The following GPHN variants were observed in gnomAD, a reference collection of about 807,000 sequenced individuals.
GPHN encodes gephyrin.
Under a neutral mutation model 95.5 loss-of-function variants are expected in GPHN, and 17 were observed. The ratio of observed to expected loss-of-function variants is 0.18; its 90% CI spans 0.12 to 0.27. GPHN has a LOEUF of 0.27. Ranked by LOEUF, GPHN falls within the 10% of genes least tolerant of loss-of-function variation. The pLI is 1.00. For missense variants in GPHN, 660 were observed against 978.1 expected (o/e 0.67, Z 4.34); for synonymous variants, 320 against 322.5 (o/e 0.99, Z 0.08).
chr14:67,430,533 C>A, the GPHN span, among the ~76,000 whole-genome samples: 1 of 152,174 alleles, frequency 6.6e-6, no homozygotes, highest in South Asian at 2.1e-4. Flanking sequence ...AAAGAAGAAG[C>A]AGGAGTGCTT....
chr14:67,382,912 T>C, the GPHN span, among the ~76,000 whole-genome samples: 45 of 149,178 alleles, frequency 3.0e-4, no homozygotes, highest in Non-Finnish European at 5.4e-4. Context: ...TGCGTGCGTG[T>C]GTGTGTGTGT....
chr14:66,884,512 GT>G (rs1165244072), intron 5 of GPHN, among the ~76,000 whole-genome samples: 1 of 151,906 alleles, frequency 6.6e-6, no homozygotes, highest in Non-Finnish European at 1.5e-5. Context: ...TGTTCCAGTG[GT>G]TAACTAAACT....
intron 4 of GPHN, among the ~76,000 whole-genome samples, chr14:66,835,268 T>A (rs1228782672): frequency 6.7e-6 from 1 of 148,378 alleles, no homozygotes; most frequent in Non-Finnish European, 1.5e-5. Context: ...AGTTCTGCTC[T>A]GATTTTAGTT....
At chr14:67,263,046 A>G in the GPHN span, among the ~76,000 whole-genome samples, 1 of 152,140 alleles carries the variant, frequency 6.6e-6, no homozygotes, top group Non-Finnish European at 1.5e-5. Context: ...CAAGTAACCA[A>G]CCATTTGATA....
At chr14:66,842,591 G>A (rs1013078488) in intron 4 of GPHN, 1 of 884,128 alleles carries the variant, frequency 1.1e-6, no homozygotes, top group Non-Finnish European at 1.8e-6. Flanking sequence ...TTATTTCCCT[G>A]AACCAGTTTG....
chr14:67,016,478 T>C (rs937562871), intron 9 of GPHN, among the ~76,000 whole-genome samples: 2 of 152,052 alleles, frequency 1.3e-5, no homozygotes, highest in African/African-American at 2.4e-5. Flanking sequence ...ATTTGTTGCC[T>C]GAGCTCATAA....
the GPHN span, among the ~76,000 whole-genome samples, chr14:67,421,754 T>A: frequency 6.6e-6 from 1 of 152,112 alleles, no homozygotes; most frequent in Admixed American, 6.6e-5. Flanking sequence ...CTCCAACACT[T>A]TGCCTCTGAA....
At chr14:67,409,051 T>TAA in the GPHN span, among the ~76,000 whole-genome samples, 19 of 108,560 alleles carry the variant, frequency 1.8e-4, no homozygotes, top group African/African-American at 5.9e-4. Context: ...ATTGTCGCTA[T>TAA]AAAAAAAAAA....
chr14:66,695,987 C>A (rs139341897), intron 2 of GPHN, among the ~76,000 whole-genome samples: 1 of 152,054 alleles, frequency 6.6e-6, no homozygotes, highest in South Asian at 2.1e-4. Flanking sequence ...AAAATGAACC[C>A]TAATGTAAAC....
chr14:67,519,060 GA>G, the GPHN span, among the ~76,000 whole-genome samples: 1 of 152,214 alleles, frequency 6.6e-6, no homozygotes. Flanking sequence ...AGAACTGGGG[GA>G]TGGGACATAT....
intron 8 of GPHN, among the ~76,000 whole-genome samples, chr14:66,947,346 T>C (rs1346773811): frequency 6.6e-6 from 1 of 152,222 alleles, no homozygotes; most frequent in Non-Finnish European, 1.5e-5. Flanking sequence ...AGTTATTCTC[T>C]ATCATTGCAC....
intron 4 of GPHN, among the ~76,000 whole-genome samples, chr14:66,855,023 T>C (rs1185688541): frequency 1.3e-5 from 2 of 151,958 alleles, no homozygotes; most frequent in Non-Finnish European, 1.5e-5. Context: ...AATTTTTGTA[T>C]TGTAGTAGAG....
chr14:67,573,499 C>A, the GPHN span: 1 of 765,404 alleles, frequency 1.3e-6, no homozygotes, highest in Non-Finnish European at 2.2e-6. This position sits in a 1 kb window ranked among gnomAD's most constrained non-coding sequence, Gnocchi z 4.8. Context: ...GGGCAAAGGT[C>A]TGGCAGGTGG....
intron 1 of GPHN, among the ~76,000 whole-genome samples, chr14:66,619,950 C>G (rs1051114253): frequency 2.0e-5 from 3 of 152,068 alleles, no homozygotes; most frequent in Non-Finnish European, 4.4e-5. Context: ...AGGACCCTTA[C>G]GGGCCAGGTT....
the GPHN span, among the ~76,000 whole-genome samples, chr14:67,494,510 C>G: frequency 1.0e-3 from 156 of 152,304 alleles, no homozygotes; most frequent in African/African-American, 3.7e-3. Context: ...AATCCAGGCA[C>G]AGGAAGGGCC....
chr14:66,889,748 A>G (rs2064375541), intron 5 of GPHN, among the ~76,000 whole-genome samples: 2 of 152,044 alleles, frequency 1.3e-5, no homozygotes, highest in Admixed American at 1.3e-4. Context: ...GCTAGCAGAA[A>G]GAAGGAAATA....
At chr14:67,263,247 A>G in the GPHN span, among the ~76,000 whole-genome samples, 1 of 152,212 alleles carries the variant, frequency 6.6e-6, no homozygotes, top group Non-Finnish European at 1.5e-5. Context: ...AATTGAAAAG[A>G]ATCATGATGC....
At chr14:67,590,361 T>C in the GPHN span, among the ~76,000 whole-genome samples, 4 of 151,434 alleles carry the variant, frequency 2.6e-5, no homozygotes, top group South Asian at 8.4e-4. Context: ...CAAGTGATTC[T>C]CCTGCTTCAG....
chr14:67,439,060 G>A, the GPHN span, among the ~76,000 whole-genome samples: 3 of 152,094 alleles, frequency 2.0e-5, no homozygotes, highest in African/African-American at 7.2e-5. Flanking sequence ...TAGTCTACAT[G>A]TCACAAGCCA....
Sources: allele counts gnomAD v4.1 joint callset (sites outside exome capture counted in the v4.1 genomes callset), GRCh38; gene constraint gnomAD v4.1.1; non-coding constraint Gnocchi (gnomAD v3.1); transcripts MANE v1.5; gene names NCBI Gene and HGNC (gene_info 2026-07-23, HGNC 2026-07-21).